Variants in POLR2B observed in about 807,000 individuals in gnomAD.
POLR2B encodes the protein DNA-directed RNA polymerase II subunit RPB2.
Under a neutral mutation model 144.6 loss-of-function variants are expected in POLR2B, and 57 were observed. That is an observed-to-expected ratio of 0.39 (90% CI 0.32 to 0.49). The LOEUF (loss-of-function observed/expected upper bound fraction) is 0.49, where lower values mean the gene tolerates loss of function less well. Among genes scored for constraint, POLR2B ranks in the 20% least tolerant of loss-of-function variants. The pLI is 0.83. For missense variants in POLR2B, 595 were observed against 1,467.4 expected, an observed-to-expected ratio of 0.41 and a Z score of 9.71; for synonymous variants, 442 against 469.8, an observed-to-expected ratio of 0.94 and a Z score of 0.77.
At chr4:56,997,792 C>A (rs528352901) in intron 6 of POLR2B, among the ~76,000 whole-genome samples, 2 of 152,250 alleles carry the variant, frequency 1.3e-5, no homozygotes, top group South Asian at 4.1e-4. Context: ...ACCTCAATAA[C>A]CTAAGACTCT....
chr4:56,994,471 C>CG lies in POLR2B; in HGVS notation c.311_312insG (p.Pro105SerfsTer8). ...CCTACCCATTGGGAAAGAGATGGTG[C>CG]TCCTTCACCAATGATGCCCAATGAA... On this transcript the variant is annotated frameshift_variant, in exon 4 of 25. Transcript: ENST00000314595. LOFTEE classifies it high-confidence loss of function. 1 of 1,607,954 alleles carries CG rather than the reference C, an allele frequency of 6.2e-7. No individual in the cohort carries two copies. Among genetic ancestry groups the CG allele is most frequent in the Admixed American group, 1.7e-5 (1 of 60,008 alleles).
At chr4:56,983,962 T>G (rs56931952) in intron 1 of POLR2B, among the ~76,000 whole-genome samples, 21,744 of 151,534 alleles carry the variant, frequency 0.14, 1,858 homozygotes, top group East Asian at 0.4. Context: ...CCTTCTGGGT[T>G]CAAGCGATTC....
At chr4:56,987,881 CA>C (rs899201797) in intron 2 of POLR2B, among the ~76,000 whole-genome samples, 68 of 136,174 alleles carry the variant, frequency 5.0e-4, no homozygotes, top group East Asian at 2.5e-3. Context: ...GACTCTGTCT[CA>C]AAAAAAAAAA....
rs1232352954 is a variant in POLR2B at position 57,017,323 on chromosome 4, A to AG, written c.2154+85dup. On this transcript the variant is annotated intron_variant, in intron 15 of 24. Coordinates refer to ENST00000314595, the MANE Select transcript of POLR2B (RefSeq NM_000938.3). This position sits in a 1 kb window ranked among gnomAD's most constrained non-coding sequence, Gnocchi z 4.8. Reference sequence around the variant, plus strand: ...AAAGTAACTCTGTAGTCTTATCTGGAGGGAAAAAGCCTTTTAATGAAAAGG... The same window carrying AG: ...AAAGTAACTCTGTAGTCTTATCTGGAGGGGAAAAAGCCTTTTAATGAAAAGG... The AG allele has an allele frequency of 8.7e-6, 9 of 1,030,500 alleles. No homozygotes were observed. In the East Asian group the frequency reaches 2.2e-4, roughly 25 times the overall value. The allele number at this position is 1,030,500 out of a possible 1,614,324, so 63.8% of individuals were successfully genotyped here. A position where few individuals can be genotyped will look rare whatever the true frequency, so the allele number is the denominator to read the frequency against.
In POLR2B at chr4:56,991,329, A is replaced by G. The variant is rs148551108; in HGVS notation, c.243+431A>G. Reference sequence around the variant, plus strand: ...GGAAAATCACCCAAACATAGCAGCTATCTTTACTAAGTTTCTTGTAGCTTT... The same window carrying G: ...GGAAAATCACCCAAACATAGCAGCTGTCTTTACTAAGTTTCTTGTAGCTTT... On this transcript the variant is annotated intron_variant, in intron 3 of 24. Transcript: ENST00000314595. Among the ~76,000 whole-genome samples the G allele has an allele frequency of 7.2e-5, 11 of 152,358 alleles. No individual in the cohort carries two copies. The East Asian group carries it at 1.7e-3, about 24-fold the overall frequency.
At chr4:57,000,470 T>C (rs188196517) in intron 7 of POLR2B, among the ~76,000 whole-genome samples, 3 of 152,326 alleles carry the variant, frequency 2.0e-5, no homozygotes, top group African/African-American at 7.2e-5. Context: ...AAAAGTCTTA[T>C]ATGCTCTTCA....
chr4:56,999,895 C>T (rs957590448), intron 7 of POLR2B, 114 bp downstream of exon 7: 4 of 673,580 alleles, frequency 5.9e-6, no homozygotes, highest in African/African-American at 1.8e-5. Flanking sequence ...TTAGCTGTCA[C>T]AAATCTTATG....
At chr4:57,004,559 A>G (rs886731051) in intron 7 of POLR2B, among the ~76,000 whole-genome samples, 2 of 152,206 alleles carry the variant, frequency 1.3e-5, no homozygotes, top group African/African-American at 2.4e-5. Flanking sequence ...ACCAAAACTG[A>G]AAACAATCTG....
At chr4:57,008,202 A>G (rs56799195) in intron 10 of POLR2B, among the ~76,000 whole-genome samples, 3,695 of 111,826 alleles carry the variant, frequency 0.033, 163 homozygotes, top group African/African-American at 0.11. Flanking sequence ...AGTTCAAGGA[A>G]TTGGTTTTTT....
intron 13 of POLR2B, among the ~76,000 whole-genome samples, chr4:57,013,797 A>T (rs868527173): frequency 6.6e-6 from 1 of 152,128 alleles, no homozygotes; most frequent in Admixed American, 6.5e-5. Context: ...AACTGTGTTT[A>T]CAAAAACAGC....
At position 57,031,019 on chromosome 4, in the gene POLR2B, A is replaced by T; in HGVS notation, c.*31A>T. The T allele has an allele frequency of 1.0e-5, 13 of 1,238,206 alleles. No individual in the cohort carries two copies. Among genetic ancestry groups the T allele is most frequent in the African/African-American group, 2.9e-5 (2 of 67,862 alleles). The allele number at this position is 1,238,206 out of a possible 1,614,324, so 76.7% of individuals were successfully genotyped here. A position where few individuals can be genotyped will look rare whatever the true frequency, so the allele number is the denominator to read the frequency against. On this transcript the variant is annotated 3_prime_UTR_variant, in exon 25 of 25. Transcript: ENST00000314595. ...TTACAGGAGTCAACAAGATAATTAA[A>T]TATCTTGGTGTCTTGTTTCTATTGT...
chr4:57,020,032 GTTATT>G (rs1199753518), intron 16 of POLR2B, among the ~76,000 whole-genome samples: 3 of 152,014 alleles, frequency 2.0e-5, no homozygotes, highest in African/African-American at 7.3e-5. Flanking sequence ...TGAATATCAA[GTTATT>G]TTATTTTATT....
intron 1 of POLR2B, chr4:56,985,393 G>A: frequency 1.0e-6 from 1 of 985,388 alleles, no homozygotes; most frequent in Non-Finnish European, 1.2e-6. Flanking sequence ...CGGGCTCGGT[G>A]CTGTGGCGAG....
At chr4:57,027,822 G>T (rs927102047) in intron 23 of POLR2B, among the ~76,000 whole-genome samples, 1 of 152,132 alleles carries the variant, frequency 6.6e-6, no homozygotes, top group Admixed American at 6.6e-5. Context: ...GCTGAGTTAC[G>T]TAGATTTTCA....
chr4:56,986,932 T>G (rs1291752494), intron 2 of POLR2B: 1 of 152,444 alleles, frequency 6.6e-6, no homozygotes, highest in African/African-American at 2.4e-5. Flanking sequence ...TACAAATTTT[T>G]CTGATCCTGG....
Position 56,996,026 on chromosome 4 carries a change from A to G in POLR2B, c.735+617A>G, listed in dbSNP as rs141638369. Among the ~76,000 whole-genome samples the G allele has an allele frequency of 1.4e-3, 212 of 152,254 alleles. 1 individual carries two copies. Among genetic ancestry groups the G allele is most frequent in the African/African-American group, 4.9e-3 (205 of 41,558 alleles). ...ACAAGGGCAATAGTAGGAGGCAGGA[A>G]TCATTGGGTACCAGCTTAGAAGCTG... is the stretch of plus-strand genomic sequence containing the variant. On this transcript the variant is annotated intron_variant, in intron 6 of 24. Coordinates refer to ENST00000314595, the MANE Select transcript of POLR2B (RefSeq NM_000938.3).
At chr4:57,007,053 A>G in intron 10 of POLR2B, 51 bp downstream of exon 10, 2 of 1,210,148 alleles carry the variant, frequency 1.7e-6, no homozygotes, top group Non-Finnish European at 2.4e-6. Context: ...TGTTTATAGG[A>G]CTAGTAGATT....
intron 6 of POLR2B, among the ~76,000 whole-genome samples, chr4:56,996,427 C>T (rs1446530441): frequency 6.6e-6 from 1 of 150,416 alleles, no homozygotes; most frequent in Admixed American, 6.7e-5. Flanking sequence ...ACTACAGGCG[C>T]CCGCCACCGC....
rs973088375 is a variant in POLR2B at position 56,985,422 on chromosome 4, C to T, written c.20-932C>T. On this transcript the variant is annotated intron_variant, in intron 1 of 24. Coordinates refer to ENST00000314595, the MANE Select transcript of POLR2B (RefSeq NM_000938.3). ...TGGCGAGGCGGGGATGGCACTCCCC[C>T]CCGCCGCCCCGTGGGGCGGCCCCGA... The T allele has an allele frequency of 1.7e-4, 163 of 985,144 alleles. No homozygotes were observed. The African/African-American group carries it at 2.5e-3, about 15-fold the overall frequency. 61.0% of individuals were successfully genotyped at this position (985,144 alleles called of 1,614,324 possible). A position where few individuals can be genotyped will look rare whatever the true frequency, so the allele number is the denominator to read the frequency against.
Sources: gnomAD v4.1 joint callset for allele counts (sites outside exome capture counted in the v4.1 genomes callset) on GRCh38, gnomAD v4.1.1 for gene constraint, Gnocchi (gnomAD v3.1) non-coding constraint, MANE v1.5 for transcripts, NCBI Gene and HGNC (gene_info 2026-07-23, HGNC 2026-07-21) for gene names.